Variants in MAP4 observed in about 807,000 individuals in gnomAD.
The protein encoded by MAP4 is microtubule-associated protein 4.
A neutral mutation model predicts 170.2 loss-of-function variants in MAP4; 76 were observed. The observed-to-expected ratio is 0.45, with a 90% CI of 0.37 to 0.54. The LOEUF (loss-of-function observed/expected upper bound fraction) is 0.54, where lower values mean the gene tolerates loss of function less well. Ranked by LOEUF, MAP4 falls within the 20% of genes least tolerant of loss-of-function variation. The pLI is 0.00. For synonymous variants in MAP4, 909 were observed against 994.5 expected (o/e 0.91, Z 1.62); for missense variants, 2,506 against 2,748.0 (o/e 0.91, Z 1.97).
chr3:47,896,395 G>A (rs1365797873), intron 10 of MAP4, among the ~76,000 whole-genome samples: 18 of 152,180 alleles, frequency 1.2e-4, no homozygotes, highest in Admixed American at 3.3e-4. Context: ...CGGGCGTGGT[G>A]GCACATGCCT....
Position 47,898,171 on chromosome 3 carries a change from C to T in MAP4, c.5434+4779G>A, listed in dbSNP as rs546939200. ...CACTAAGAAAAAGCAGAGAACCAGACGCTTTTACAGAGGGGGAAGGGACAG... is the reference window on the plus strand; with the variant it reads ...CACTAAGAAAAAGCAGAGAACCAGATGCTTTTACAGAGGGGGAAGGGACAG... On this transcript the variant is annotated intron_variant, in intron 10 of 20. Transcript: ENST00000683076. Among the ~76,000 whole-genome samples, 90 of 152,164 alleles carry T rather than the reference C, an allele frequency of 5.9e-4. 2 individuals carry two copies. Among genetic ancestry groups the T allele is most frequent in the South Asian group, 3.1e-3 (15 of 4,818 alleles).
chr3:47,860,104 G>A (rs2063171192), intron 17 of MAP4, among the ~76,000 whole-genome samples: 1 of 152,216 alleles, frequency 6.6e-6, no homozygotes, highest in South Asian at 2.1e-4. Flanking sequence ...GGGTCTTCAA[G>A]CAATGGTGAC....
At chr3:47,889,921 GTTT>G (rs963587918) in intron 10 of MAP4, among the ~76,000 whole-genome samples, 57 of 147,012 alleles carry the variant, frequency 3.9e-4, no homozygotes, top group African/African-American at 1.3e-3. Flanking sequence ...AACAAAAAAT[GTTT>G]TTTATCTCCA....
chr3:48,045,987 T>C (rs1367261634), intron 1 of MAP4, among the ~76,000 whole-genome samples: 11 of 149,514 alleles, frequency 7.4e-5, no homozygotes, highest in East Asian at 3.9e-4. Context: ...ATCACTTCTT[T>C]TTTTTTTTTT....
chr3:48,029,975 C>A (rs2100115105), intron 1 of MAP4, among the ~76,000 whole-genome samples: 3 of 145,350 alleles, frequency 2.1e-5, no homozygotes, highest in South Asian at 2.2e-4. Flanking sequence ...AGCAACTGAG[C>A]AAGATTCCAT....
At chr3:47,963,937 T>C (rs2100073235) in intron 3 of MAP4, among the ~76,000 whole-genome samples, 2 of 152,180 alleles carry the variant, frequency 1.3e-5, no homozygotes, top group African/African-American at 2.4e-5. Flanking sequence ...GAGTCAATCA[T>C]GAATATATCA....
chr3:47,857,636 A>G (rs2058852269), intron 17 of MAP4, 124 bp from the exon 18 acceptor site: 3 of 680,024 alleles, frequency 4.4e-6, no homozygotes, highest in Non-Finnish European at 7.8e-6. Context: ...CTGCTATCTC[A>G]GTCTGGTCAA....
chr3:48,038,374 TGATCCATA>T (rs1407698211), intron 1 of MAP4, among the ~76,000 whole-genome samples: 1 of 151,992 alleles, frequency 6.6e-6, no homozygotes, highest in Non-Finnish European at 1.5e-5. Context: ...ATTTATATTA[TGATCCATA>T]TTCACATACA....
At chr3:47,869,983 A>G (rs1468756288) in intron 15 of MAP4, among the ~76,000 whole-genome samples, 1 of 152,182 alleles carries the variant, frequency 6.6e-6, no homozygotes, top group African/African-American at 2.4e-5. Context: ...GTCTTCCAAC[A>G]GCACCAGGAT....
chr3:47,871,892 C>A, intron 13 of MAP4, 25 bp downstream of exon 13: 1 of 1,590,860 alleles, frequency 6.3e-7, no homozygotes, highest in South Asian at 1.1e-5. Flanking sequence ...CCCTAGTTCC[C>A]ATGGGAGAGA....
chr3:47,954,410 ATC>A (rs2100066450), intron 3 of MAP4, among the ~76,000 whole-genome samples: 2 of 152,210 alleles, frequency 1.3e-5, no homozygotes, highest in African/African-American at 4.8e-5. Context: ...GCAGTAATTG[ATC>A]ACACAGTATT....
At chr3:47,934,283 A>G (rs951342502) in intron 3 of MAP4, among the ~76,000 whole-genome samples, 16 of 152,072 alleles carry the variant, frequency 1.1e-4, no homozygotes, top group Admixed American at 2.0e-4. Flanking sequence ...CCCTTTCAAT[A>G]CCTTTTAGTA....
intron 3 of MAP4, chr3:47,973,719 C>G: frequency 1.0e-6 from 1 of 985,326 alleles, no homozygotes; most frequent in Non-Finnish European, 1.2e-6. Context: ...GGACTGGTTA[C>G]GAGCAATAGA....
chr3:47,939,281 TA>T (rs1278252929), intron 3 of MAP4, among the ~76,000 whole-genome samples: 1 of 152,190 alleles, frequency 6.6e-6, no homozygotes, highest in Non-Finnish European at 1.5e-5. Context: ...AGTCTTTTTT[TA>T]AAAAATTAAA....
At chr3:48,034,092 C>A (rs904968840) in intron 1 of MAP4, among the ~76,000 whole-genome samples, 2 of 152,218 alleles carry the variant, frequency 1.3e-5, no homozygotes, top group Admixed American at 6.5e-5. Flanking sequence ...AAGTACCTTT[C>A]ACCTTTTTCT....
intron 10 of MAP4, chr3:47,877,787 G>A (rs751442955): frequency 1.0e-4 from 23 of 229,324 alleles, no homozygotes; most frequent in Non-Finnish European, 1.9e-4. Flanking sequence ...GGAAAAAAAT[G>A]GTCCTTTAAG....
intron 1 of MAP4, among the ~76,000 whole-genome samples, chr3:48,010,620 T>C (rs2100104739): frequency 6.6e-6 from 1 of 152,188 alleles, no homozygotes; most frequent in African/African-American, 2.4e-5. Context: ...AGTGGACTTG[T>C]AATGTTAATA....
At chr3:48,076,244 C>T (rs999619757) in intron 1 of MAP4, among the ~76,000 whole-genome samples, 2 of 151,782 alleles carry the variant, frequency 1.3e-5, no homozygotes, top group African/African-American at 4.8e-5. Flanking sequence ...CGCCTGTAAT[C>T]CTAGCACTTT....
intron 17 of MAP4, among the ~76,000 whole-genome samples, chr3:47,864,708 A>C (rs1252873691): frequency 6.6e-6 from 1 of 152,000 alleles, no homozygotes; most frequent in Non-Finnish European, 1.5e-5. Context: ...CATAACATAA[A>C]ATACAAAAAT....
Sources: allele counts gnomAD v4.1 joint callset (sites outside exome capture counted in the v4.1 genomes callset), GRCh38; gene constraint gnomAD v4.1.1; transcripts MANE v1.5; gene names NCBI Gene and HGNC (gene_info 2026-07-23, HGNC 2026-07-21).